CSMD1: variants seen among roughly 807,000 people sequenced by gnomAD.
CSMD1 encodes the protein CUB and sushi domain-containing protein 1.
In CSMD1, 213 loss-of-function variants were observed where a neutral mutation model predicts 417.5. The ratio of observed to expected loss-of-function variants is 0.51; its 90% CI spans 0.46 to 0.57. The LOEUF (loss-of-function observed/expected upper bound fraction) is 0.57. CSMD1 is among the 20% of genes least tolerant of loss of function. The pLI is 0.00. For synonymous variants in CSMD1, 2,862 were observed against 1,736.8 expected (o/e 1.65, Z -16.11); for missense variants, 6,923 against 4,529.7 (o/e 1.53, Z -15.17).
chr8:3,450,717 T>A (rs1286052222), intron 12 of CSMD1, among the ~76,000 whole-genome samples: 2 of 152,126 alleles, frequency 1.3e-5, no homozygotes, highest in African/African-American at 2.4e-5. Flanking sequence ...TCTATCATTG[T>A]TGGACATTTG....
At chr8:4,836,758 C>T (rs1800518410) in intron 1 of CSMD1, among the ~76,000 whole-genome samples, 1 of 151,974 alleles carries the variant, frequency 6.6e-6, no homozygotes, top group African/African-American at 2.4e-5. Context: ...AAGTACATGT[C>T]TCCACAGGAG....
In CSMD1 at chr8:2,935,791, C is replaced by T. The variant is rs1157366013; in HGVS notation, c.*2794G>A. 1 of 152,060 alleles carries T rather than the reference C, an allele frequency of 6.6e-6. No individual in the cohort carries two copies. Among genetic ancestry groups the T allele is most frequent in the Admixed American group, 6.6e-5 (1 of 15,266 alleles). The allele number at this position is 152,060 out of a possible 1,614,324, so 9.4% of individuals were successfully genotyped here. A position where few individuals can be genotyped will look rare whatever the true frequency, so the allele number is the denominator to read the frequency against. On this transcript the variant is annotated 3_prime_UTR_variant, in exon 70 of 70. Coordinates refer to ENST00000635120, the MANE Select transcript of CSMD1 (RefSeq NM_033225.6). The stretch of plus-strand genomic sequence containing the variant: ...AATGCCAGCGTTCTTTTTTTTACCC[C>T]CTTTTTATAATAGCTTTTTGTTGTT...
At chr8:4,837,053 T>G (rs6988445) in intron 1 of CSMD1, among the ~76,000 whole-genome samples, 131,830 of 150,776 alleles carry the variant, frequency 0.87, 58,567 homozygotes, top group East Asian at 0.98. Context: ...AGACCACCCA[T>G]AAGACAGGGC....
At chr8:4,036,782 C>T (rs562779018) in intron 3 of CSMD1, among the ~76,000 whole-genome samples, 2 of 152,234 alleles carry the variant, frequency 1.3e-5, no homozygotes, top group Non-Finnish European at 2.9e-5. Context: ...GGCAGCACCA[C>T]TATTTCATTA....
intron 5 of CSMD1, among the ~76,000 whole-genome samples, chr8:3,978,613 G>A (rs140542896): frequency 2.6e-4 from 40 of 152,164 alleles, no homozygotes; most frequent in African/African-American, 8.9e-4. Flanking sequence ...GTAAATAATT[G>A]GAAGGAAACG....
intron 3 of CSMD1, among the ~76,000 whole-genome samples, chr8:4,095,927 T>C (rs1800983239): frequency 6.6e-6 from 1 of 152,206 alleles, no homozygotes; most frequent in Non-Finnish European, 1.5e-5. Flanking sequence ...GTTATTTAAA[T>C]GTATCATTCC....
In CSMD1 at chr8:4,014,850, T is replaced by C. The variant is rs113396992; in HGVS notation, c.611-16740A>G. On this transcript the variant is annotated intron_variant, in intron 4 of 69. Transcript: ENST00000635120. ...ATGGTATCTGCATGGAATAAAATAA[T>C]TTTAGAAATACTACAAAGTAACCCA... 9.9e-3 allele frequency among the ~76,000 whole-genome samples: 1,506 copies of C among 152,268 alleles called. 31 individuals are homozygous for C. Among genetic ancestry groups the C allele is most frequent in the East Asian group, 0.056 (292 of 5,172 alleles).
At chr8:3,067,074 C>A (rs1021608041) in intron 49 of CSMD1, among the ~76,000 whole-genome samples, 1 of 117,592 alleles carries the variant, frequency 8.5e-6, no homozygotes, top group Middle Eastern at 3.8e-3. Flanking sequence ...AGGTGCTAAG[C>A]CTGGGGCCTG....
intron 2 of CSMD1, among the ~76,000 whole-genome samples, chr8:4,431,402 A>G (rs1797865553): frequency 1.3e-5 from 2 of 152,296 alleles, no homozygotes; most frequent in Admixed American, 6.5e-5. Context: ...ATACGCACAA[A>G]CTTAGATTGA....
intron 12 of CSMD1, among the ~76,000 whole-genome samples, chr8:3,467,508 T>G (rs1211064491): frequency 2.0e-5 from 3 of 152,178 alleles, no homozygotes; most frequent in Non-Finnish European, 4.4e-5. Context: ...TGCATTCTAG[T>G]TTTAGTCATT....
chr8:4,291,928 A>C (rs907961295), intron 3 of CSMD1, among the ~76,000 whole-genome samples: 2 of 152,216 alleles, frequency 1.3e-5, no homozygotes, highest in African/African-American at 4.8e-5. Context: ...CTTCTGCCCT[A>C]TGTGAAAAAG....
At chr8:3,352,636 T>A (rs1298158122) in intron 21 of CSMD1, among the ~76,000 whole-genome samples, 1 of 152,150 alleles carries the variant, frequency 6.6e-6, no homozygotes, top group African/African-American at 2.4e-5. Flanking sequence ...AGTCAGGAGT[T>A]CAAGACCAGC....
intron 5 of CSMD1, among the ~76,000 whole-genome samples, chr8:3,955,889 G>C (rs746957946): frequency 6.6e-6 from 1 of 152,126 alleles, no homozygotes; most frequent in Non-Finnish European, 1.5e-5. Context: ...GCACGATCTC[G>C]GCTCACTTCA....
chr8:4,050,716 T>C (rs751956660), intron 3 of CSMD1, among the ~76,000 whole-genome samples: 1 of 152,122 alleles, frequency 6.6e-6, no homozygotes. Flanking sequence ...TCAAAAACTA[T>C]TTAGTGAGTA....
intron 2 of CSMD1, among the ~76,000 whole-genome samples, chr8:4,508,073 T>C (rs1460526154): frequency 7.5e-6 from 1 of 133,968 alleles, no homozygotes; most frequent in Non-Finnish European, 1.6e-5. Flanking sequence ...TTGTGAGCTA[T>C]GTAGAAAAAA....
At chr8:3,816,840 G>C (rs893440574) in intron 5 of CSMD1, among the ~76,000 whole-genome samples, 7 of 151,948 alleles carry the variant, frequency 4.6e-5, no homozygotes, top group Admixed American at 2.0e-4. Flanking sequence ...TGTCTACTAG[G>C]GGTTTGGAAC....
intron 12 of CSMD1, among the ~76,000 whole-genome samples, chr8:3,456,943 C>G (rs1464042112): frequency 1.3e-5 from 2 of 152,060 alleles, no homozygotes; most frequent in Admixed American, 6.5e-5. Flanking sequence ...GCTGCACTGT[C>G]TCACCCTACA....
intron 6 of CSMD1, among the ~76,000 whole-genome samples, chr8:3,736,420 A>G (rs1337801791): frequency 1.3e-5 from 2 of 152,060 alleles, no homozygotes; most frequent in Non-Finnish European, 2.9e-5. Context: ...ATGTAAAAAA[A>G]AAAATGTAGC....
At chr8:3,198,355 C>A in intron 33 of CSMD1, among the ~76,000 whole-genome samples, 1 of 152,250 alleles carries the variant, frequency 6.6e-6, no homozygotes, top group South Asian at 2.1e-4. Context: ...TTGGTCTAAA[C>A]GTGATTCTGC....
Sources: gnomAD v4.1 joint callset for allele counts (sites outside exome capture counted in the v4.1 genomes callset) on GRCh38, gnomAD v4.1.1 for gene constraint, MANE v1.5 for transcripts, NCBI Gene and HGNC (gene_info 2026-07-23, HGNC 2026-07-21) for gene names.